The following PAPPA2 variants were observed in gnomAD, a reference collection of about 807,000 sequenced individuals.
PAPPA2 encodes pappalysin-2.
Under a neutral mutation model 176.4 loss-of-function variants are expected in PAPPA2, and 86 were observed. The observed-to-expected ratio is 0.49, with a 90% CI of 0.41 to 0.58. PAPPA2 has a LOEUF of 0.58. Among genes scored for constraint, PAPPA2 ranks in the 20% least tolerant of loss-of-function variants. PAPPA2 has a pLI of 0.00. For missense variants in PAPPA2, 2,073 were observed against 2,256.9 expected, an observed-to-expected ratio of 0.92 and a Z score of 1.65; for synonymous variants, 809 against 852.2, an observed-to-expected ratio of 0.95 and a Z score of 0.88.
intron 1 of PAPPA2, among the ~76,000 whole-genome samples, chr1:176,521,909 G>A (rs1649234997): frequency 6.6e-6 from 1 of 152,178 alleles, no homozygotes. Flanking sequence ...ACCCCAGCCT[G>A]TGCTGGTTTT....
At chr1:176,495,367 C>T (rs964455552) in intron 1 of PAPPA2, among the ~76,000 whole-genome samples, 4 of 151,760 alleles carry the variant, frequency 2.6e-5, no homozygotes, top group South Asian at 2.1e-4. Flanking sequence ...ACTGAGAAAC[C>T]CCATCTCTGA....
intron 1 of PAPPA2, among the ~76,000 whole-genome samples, chr1:176,497,741 A>G (rs1380317016): frequency 6.6e-6 from 1 of 152,210 alleles, no homozygotes; most frequent in Admixed American, 6.5e-5. Context: ...CCAGGTCTCA[A>G]CAGTCCTCCA....
chr1:176,505,480 C>T (rs1042153508), intron 1 of PAPPA2, among the ~76,000 whole-genome samples: 3 of 151,952 alleles, frequency 2.0e-5, no homozygotes, highest in African/African-American at 7.3e-5. Flanking sequence ...GTGAAGTGAG[C>T]CATAGATTGA....
Position 176,740,104 on chromosome 1 carries a change from A to G in PAPPA2, c.4059A>G (p.Ser1353=). Residue 1353 remains serine (S), a synonymous_variant, in exon 14 of 23, where the codon TCA becomes TCG. Coordinates refer to ENST00000367662, the MANE Select transcript of PAPPA2 (RefSeq NM_020318.3). Reference sequence around the variant, plus strand: ...TCTCATCCCCACGGGTCGGCATCTCAGCTGTGGCTCTAAGGACATCCTCCC... The same window carrying G: ...TCTCATCCCCACGGGTCGGCATCTCGGCTGTGGCTCTAAGGACATCCTCCC... ...LNFSSPRVGI[S]AVALRTSSRI... 6.2e-7 allele frequency: 1 copy of G among 1,613,856 alleles called. No homozygotes were observed.
chr1:176,597,052 C>T (rs1008060749), intron 3 of PAPPA2, among the ~76,000 whole-genome samples: 1 of 152,096 alleles, frequency 6.6e-6, no homozygotes, highest in Non-Finnish European at 1.5e-5. Context: ...TTCATGGTAT[C>T]CCTGTGTGTG....
At chr1:176,654,408 T>C (rs1657912189) in intron 3 of PAPPA2, among the ~76,000 whole-genome samples, 1 of 150,412 alleles carries the variant, frequency 6.6e-6, no homozygotes, top group Non-Finnish European at 1.5e-5. Context: ...GTCCCATTGA[T>C]ATATGAGTCT....
intron 1 of PAPPA2, among the ~76,000 whole-genome samples, chr1:176,485,987 G>A (rs1652628894): frequency 6.6e-6 from 1 of 152,186 alleles, no homozygotes; most frequent in Admixed American, 6.5e-5. Flanking sequence ...TAAATTGTGG[G>A]AAAATGACTA....
At chr1:176,788,234 T>C (rs970294072) in intron 17 of PAPPA2, among the ~76,000 whole-genome samples, 26 of 152,194 alleles carry the variant, frequency 1.7e-4, no homozygotes, top group Non-Finnish European at 3.1e-4. Flanking sequence ...TCACTTTAGT[T>C]CTTGGGAATT....
chr1:176,722,369 T>C (rs866368763), intron 12 of PAPPA2, among the ~76,000 whole-genome samples: 18 of 151,700 alleles, frequency 1.2e-4, no homozygotes, highest in African/African-American at 4.3e-4. Flanking sequence ...ATCACTTTAA[T>C]TCAATAAGTA....
intron 21 of PAPPA2, among the ~76,000 whole-genome samples, chr1:176,822,860 T>C (rs1173652271): frequency 2.0e-5 from 3 of 152,198 alleles, no homozygotes; most frequent in African/African-American, 7.2e-5. Context: ...ATAATTTATA[T>C]TCCCGGTCAA....
intron 12 of PAPPA2, among the ~76,000 whole-genome samples, chr1:176,725,695 C>A (rs1437521948): frequency 2.0e-5 from 3 of 152,236 alleles, no homozygotes; most frequent in Admixed American, 1.3e-4. Flanking sequence ...CGGTTACACA[C>A]ACACGCACGC....
intron 11 of PAPPA2, 37 bp downstream of exon 11, chr1:176,710,213 A>T (rs1386468605): frequency 1.3e-6 from 2 of 1,580,712 alleles, no homozygotes; most frequent in Non-Finnish European, 1.7e-6. Flanking sequence ...GAGCCTGCGC[A>T]AAATTGTAAA....
intron 1 of PAPPA2, among the ~76,000 whole-genome samples, chr1:176,547,497 T>G (rs1650703256): frequency 6.6e-6 from 1 of 152,174 alleles, no homozygotes; most frequent in South Asian, 2.1e-4. Context: ...GACATCTGCC[T>G]TGGTTGTCAT....
At chr1:176,816,949 A>G (rs1001085741) in intron 21 of PAPPA2, among the ~76,000 whole-genome samples, 1 of 152,294 alleles carries the variant, frequency 6.6e-6, no homozygotes, top group African/African-American at 2.4e-5. Flanking sequence ...TAGATAGAGG[A>G]GCACTTATTA....
At chr1:176,665,154 A>G (rs759401896) in intron 3 of PAPPA2, among the ~76,000 whole-genome samples, 3 of 152,206 alleles carry the variant, frequency 2.0e-5, no homozygotes, top group Non-Finnish European at 2.9e-5. Flanking sequence ...CGCAGTCCAC[A>G]TAATGCTGTG....
At chr1:176,486,719 A>G (rs1302041839) in intron 1 of PAPPA2, among the ~76,000 whole-genome samples, 1 of 152,168 alleles carries the variant, frequency 6.6e-6, no homozygotes, top group Non-Finnish European at 1.5e-5. Flanking sequence ...GTATGCCTAT[A>G]GGCATGGATC....
intron 1 of PAPPA2, among the ~76,000 whole-genome samples, chr1:176,523,100 C>T (rs1349939103): frequency 6.6e-6 from 1 of 152,122 alleles, no homozygotes; most frequent in African/African-American, 2.4e-5. Flanking sequence ...GAATCTCTAG[C>T]CTAGCTTTCA....
intron 2 of PAPPA2, among the ~76,000 whole-genome samples, chr1:176,584,233 T>C (rs1437000696): frequency 1.3e-5 from 2 of 152,200 alleles, no homozygotes; most frequent in East Asian, 3.9e-4. Context: ...TTACATCTAG[T>C]TGATCTGTCC....
At chr1:176,486,164 A>G (rs953013533) in intron 1 of PAPPA2, among the ~76,000 whole-genome samples, 2 of 152,250 alleles carry the variant, frequency 1.3e-5, no homozygotes, top group African/African-American at 4.8e-5. Flanking sequence ...GCTTTTAGGC[A>G]GATAAAGGAA....
Sources: allele counts gnomAD v4.1 joint callset (sites outside exome capture counted in the v4.1 genomes callset), GRCh38; gene constraint gnomAD v4.1.1; transcripts MANE v1.5; gene names NCBI Gene and HGNC (gene_info 2026-07-23, HGNC 2026-07-21).